PIK3R6: variants seen among roughly 807,000 people sequenced by gnomAD.
PIK3R6 encodes the protein phosphoinositide-3-kinase regulatory subunit 6, also known as phosphoinositide 3-kinase regulatory subunit 6.
A neutral mutation model predicts 84.9 loss-of-function variants in PIK3R6; 91 were observed. That is an observed-to-expected ratio of 1.07 (90% CI 0.90 to 1.28). PIK3R6 has a LOEUF of 1.28. Ranked by LOEUF, PIK3R6 falls within the 50% of genes most tolerant of loss-of-function variation. The pLI is 0.00. For missense variants in PIK3R6, 996 were observed against 985.1 expected (o/e 1.01, Z -0.15); for synonymous variants, 416 against 411.4 (o/e 1.01, Z -0.13).
chr17:8,848,817 C>T (rs753057465), intron 2 of PIK3R6, among the ~76,000 whole-genome samples: 53 of 152,068 alleles, frequency 3.5e-4, no homozygotes, highest in Non-Finnish European at 6.0e-4. Context: ...TCTGATTGGA[C>T]GAGGCTCTCT....
intron 1 of PIK3R6, among the ~76,000 whole-genome samples, chr17:8,855,818 G>A (rs777018831): frequency 9.2e-5 from 14 of 152,190 alleles, no homozygotes; most frequent in East Asian, 1.9e-4. Context: ...GTATGATCCC[G>A]TAATCCCTAG....
intron 2 of PIK3R6, among the ~76,000 whole-genome samples, chr17:8,848,508 C>T (rs1053497143): frequency 1.3e-5 from 2 of 151,602 alleles, no homozygotes; most frequent in African/African-American, 2.4e-5. Flanking sequence ...ACCTACACAG[C>T]GTGTGACTGC....
At chr17:8,853,499 A>T (rs1286005089) in intron 1 of PIK3R6, among the ~76,000 whole-genome samples, 8 of 135,286 alleles carry the variant, frequency 5.9e-5, no homozygotes, top group South Asian at 2.2e-4. Context: ...AAAAAAAAAA[A>T]TAATAATAAT....
At chr17:8,825,153 T>C (rs1438320385) in intron 13 of PIK3R6, among the ~76,000 whole-genome samples, 1 of 152,188 alleles carries the variant, frequency 6.6e-6, no homozygotes, top group African/African-American at 2.4e-5. Flanking sequence ...AGAAGCTGTA[T>C]GACGCAAACT....
chr17:8,833,896 C>T (rs1373858870), intron 8 of PIK3R6, among the ~76,000 whole-genome samples: 7 of 151,166 alleles, frequency 4.6e-5, no homozygotes, highest in Admixed American at 2.6e-4. Flanking sequence ...CAGCCCAGCG[C>T]GGTGGCTCAC....
chr17:8,818,262 C>A (rs1353787495), intron 18 of PIK3R6, among the ~76,000 whole-genome samples: 1 of 152,098 alleles, frequency 6.6e-6, no homozygotes, highest in Non-Finnish European at 1.5e-5. Context: ...ATGGTTCAGG[C>A]GCAATCATGG....
chr17:8,855,775 G>C (rs758478890), intron 1 of PIK3R6, among the ~76,000 whole-genome samples: 20 of 152,206 alleles, frequency 1.3e-4, no homozygotes, highest in Non-Finnish European at 5.9e-5. Context: ...AAAACAGTTT[G>C]ACAATTTCTC....
intron 18 of PIK3R6, among the ~76,000 whole-genome samples, chr17:8,809,155 C>T (rs918854147): frequency 6.6e-5 from 10 of 152,174 alleles, no homozygotes; most frequent in Non-Finnish European, 1.3e-4. Flanking sequence ...TATTTTCAGT[C>T]TTCTTAAAGA....
At chr17:8,852,752 A>G (rs879311140) in intron 1 of PIK3R6, among the ~76,000 whole-genome samples, 10 of 151,642 alleles carry the variant, frequency 6.6e-5, no homozygotes, top group Non-Finnish European at 1.5e-4. Flanking sequence ...AAAAAAAAAA[A>G]AGAGAGAGAG....
chr17:8,838,190 C>A, intron 4 of PIK3R6: 1 of 462,664 alleles, frequency 2.2e-6, no homozygotes, highest in Non-Finnish European at 3.9e-6. Context: ...GCAGTGTTTC[C>A]CAAACGGTTG....
rs143415791 is a variant in PIK3R6, at chr17:8,842,700, T to C, written c.14-3003A>G. ...AACACAAACCACATGCCCCAAGGGT[T>C]CCTCTTTGACTGGGCTATCAGGAAA... On this transcript the variant is annotated intron_variant, in intron 2 of 19. Transcript: ENST00000619866. The surrounding 1 kb of genome is among the most constrained non-coding windows in gnomAD (Gnocchi z 4.5). Among the ~76,000 whole-genome samples the C allele has an allele frequency of 1.8e-3, 267 of 152,168 alleles. 1 individual carries two copies. The highest frequency in any genetic ancestry group is 6.2e-3 in the African/African-American group (258 of 41,520).
In PIK3R6 at chr17:8,839,358, GA is replaced by G. The variant is rs60785798; in HGVS notation, c.97+255del. Among the ~76,000 whole-genome samples, 56,854 of 147,950 alleles carry G rather than the reference GA, an allele frequency of 0.38. 10,987 individuals are homozygous for G. Among genetic ancestry groups the G allele is most frequent in the African/African-American group, 0.4 (16,220 of 40,274 alleles). On this transcript the variant is annotated intron_variant, in intron 3 of 19. Coordinates refer to ENST00000619866, the MANE Select transcript of PIK3R6 (RefSeq NM_001010855.4). This position sits in a 1 kb window ranked among gnomAD's most constrained non-coding sequence, Gnocchi z 4.2. ...GTAGGACTCCATCTCAAAAACAAAA[GA>G]AAAAAAAAAGGAAAGAAAAAGGGTG...
At chr17:8,859,735 G>A (rs1024118610) in intron 1 of PIK3R6, among the ~76,000 whole-genome samples, 3 of 152,128 alleles carry the variant, frequency 2.0e-5, no homozygotes, top group Non-Finnish European at 2.9e-5. Context: ...TCCAGCCTTC[G>A]GACTTGGACT....
chr17:8,855,829 C>CT (rs530067645), intron 1 of PIK3R6, among the ~76,000 whole-genome samples: 52 of 152,222 alleles, frequency 3.4e-4, no homozygotes, highest in Non-Finnish European at 7.2e-4. Flanking sequence ...TAATCCCTAG[C>CT]TTTTTCCTCC....
Position 8,819,220 on chromosome 17 carries a change from G to A in PIK3R6, c.1880-22C>T, listed in dbSNP as rs1287954123. On this transcript the variant is annotated intron_variant, in intron 17 of 19. Transcript: ENST00000619866. ...GAAACTGAATGAGATGGGTGGGGCT[G>A]TAAATGGACCTCCAGGGAAGTAGGG... 4 of 1,538,018 alleles carry A rather than the reference G, an allele frequency of 2.6e-6. No individual in the cohort carries two copies. The African/African-American group carries it at 4.1e-5, about 16-fold the overall frequency.
intron 1 of PIK3R6, among the ~76,000 whole-genome samples, chr17:8,861,163 C>T (rs1274334948): frequency 7.6e-6 from 1 of 132,412 alleles, no homozygotes; most frequent in Non-Finnish European, 1.6e-5. Flanking sequence ...GCCTGGGTGA[C>T]AGAGTGAGAC....
intron 1 of PIK3R6, among the ~76,000 whole-genome samples, chr17:8,866,813 C>G (rs1185626934): frequency 6.6e-6 from 1 of 152,108 alleles, no homozygotes; most frequent in East Asian, 1.9e-4. Context: ...CGCTGAGGAC[C>G]CTGAAGGTTC....
At position 8,844,915 on chromosome 17, in the gene PIK3R6, C is replaced by A. The variant is rs1194881074; in HGVS notation, c.13+4867G>T. 1.3e-5 allele frequency among the ~76,000 whole-genome samples: 2 copies of A among 152,146 alleles called. No individual in the cohort carries two copies. Among genetic ancestry groups the A allele is most frequent in the East Asian group, 3.8e-4 (2 of 5,196 alleles). On this transcript the variant is annotated intron_variant, in intron 2 of 19. Transcript: ENST00000619866. This position sits in a 1 kb window ranked among gnomAD's most constrained non-coding sequence, Gnocchi z 4.5. ...TTTAGCTCCCACCTATAAGTGAGAA[C>A]ATGCAGTATTTGGCTTTCTGTTCCT...
Position 8,838,657 on chromosome 17 carries a change from TG to T in PIK3R6, c.98-3del. The T allele has an allele frequency of 6.3e-7, 1 of 1,594,980 alleles. No individual in the cohort carries two copies. Among genetic ancestry groups the T allele is most frequent in the Non-Finnish European group, 8.5e-7 (1 of 1,170,644 alleles). Reference sequence around the variant, plus strand: ...TGTGCAGGGACCACCTCCACATGCCTGGGCCAGGAGAAAGGGGAGCCCGGCA... The same window carrying T: ...TGTGCAGGGACCACCTCCACATGCCTGGCCAGGAGAAAGGGGAGCCCGGCA... On this transcript the variant is annotated splice_region_variant and splice_polypyrimidine_tract_variant and intron_variant, in intron 3 of 19. Transcript: ENST00000619866.
Sources: gnomAD v4.1 joint callset for allele counts (sites outside exome capture counted in the v4.1 genomes callset) on GRCh38, gnomAD v4.1.1 for gene constraint, Gnocchi (gnomAD v3.1) non-coding constraint, MANE v1.5 for transcripts, NCBI Gene and HGNC (gene_info 2026-07-23, HGNC 2026-07-21) for gene names.